ALDH18A1: variants seen among roughly 807,000 people sequenced by gnomAD.
ALDH18A1 encodes aldehyde dehydrogenase 18 family member A1, also known as delta-1-pyrroline-5-carboxylate synthase.
A neutral mutation model predicts 88.8 loss-of-function variants in ALDH18A1; 44 were observed. That is an observed-to-expected ratio of 0.50 (90% CI 0.39 to 0.64). The LOEUF is 0.64. ALDH18A1 is among the 30% of genes least tolerant of loss of function. The probability of loss-of-function intolerance (pLI) is 0.00; values close to 1 mark genes in which losing one functional copy is unlikely to be tolerated. For missense variants in ALDH18A1, 782 were observed against 1,009.5 expected (o/e 0.77, Z 3.05); for synonymous variants, 331 against 372.1 (o/e 0.89, Z 1.27).
intron 12 of ALDH18A1, among the ~76,000 whole-genome samples, chr10:95,620,818 AT>A (rs1416301897): frequency 6.6e-6 from 1 of 151,944 alleles, no homozygotes; most frequent in Non-Finnish European, 1.5e-5. Flanking sequence ...GAGGGATAGC[AT>A]TAGGAGAAAT....
rs1475903654 is a variant in ALDH18A1, at chr10:95,614,090, G to A, written c.1677C>T (p.Gly559=). 1.9e-6 allele frequency: 3 copies of A among 1,614,174 alleles called. No individual in the cohort carries two copies. Among genetic ancestry groups the A allele is most frequent in the Non-Finnish European group, 2.5e-6 (3 of 1,180,032 alleles). Residue 559 remains glycine, a synonymous_variant, in exon 14 of 18, where the codon GGC becomes GGT. Transcript: ENST00000371224. ...DKMIDLIIPR[G]SSQLVRDIQK... Reference sequence around the variant, plus strand: ...GGATGTCTCTGACCAGCTGGGAAGAGCCACGTGGAATGATCAGATCTATCA... The same window carrying A: ...GGATGTCTCTGACCAGCTGGGAAGAACCACGTGGAATGATCAGATCTATCA...
At chr10:95,617,713 C>T (rs1354710769) in intron 12 of ALDH18A1, among the ~76,000 whole-genome samples, 1 of 152,186 alleles carries the variant, frequency 6.6e-6, no homozygotes, top group Non-Finnish European at 1.5e-5. Flanking sequence ...TGAAACCATC[C>T]AGGGCTGAGT....
chr10:95,609,746 T>C (rs1278928812), intron 17 of ALDH18A1, among the ~76,000 whole-genome samples: 3 of 149,960 alleles, frequency 2.0e-5, no homozygotes, highest in Non-Finnish European at 4.4e-5. Flanking sequence ...CTGATAATCC[T>C]ACCTTGCCAG....
At chr10:95,614,861 A>G (rs1312838121) in intron 13 of ALDH18A1, among the ~76,000 whole-genome samples, 1 of 152,220 alleles carries the variant, frequency 6.6e-6, no homozygotes, top group Admixed American at 6.5e-5. Flanking sequence ...CTAAATATTC[A>G]TCAAGAGAAG....
intron 2 of ALDH18A1, among the ~76,000 whole-genome samples, chr10:95,645,919 C>T (rs954798289): frequency 6.6e-6 from 1 of 152,196 alleles, no homozygotes; most frequent in African/African-American, 2.4e-5. Context: ...AGGTACCCTA[C>T]TCTGCTTTCA....
intron 2 of ALDH18A1, among the ~76,000 whole-genome samples, chr10:95,649,904 G>T (rs1458064851): frequency 6.7e-6 from 1 of 150,282 alleles, no homozygotes; most frequent in East Asian, 2.0e-4. Flanking sequence ...AAAAAACAAA[G>T]AAAAAAATTA....
In ALDH18A1 at chr10:95,637,285, A is replaced by G. The variant is rs1417635601; in HGVS notation, c.453+2T>C. 6.8e-6 allele frequency: 11 copies of G among 1,614,220 alleles called. No individual in the cohort carries two copies. Among genetic ancestry groups the G allele is most frequent in the Non-Finnish European group, 9.3e-6 (11 of 1,180,042 alleles). On this transcript the variant is annotated splice_donor_variant, in intron 4 of 17. Transcript: ENST00000371224. LOFTEE classifies it high-confidence loss of function. ...TTCAATGTGTGGGGAAGCAGCACTCACCATTTCTTTCAGCTGGTTCTGCCC... is the reference window on the plus strand; with the variant it reads ...TTCAATGTGTGGGGAAGCAGCACTCGCCATTTCTTTCAGCTGGTTCTGCCC...
At chr10:95,650,758 G>T (rs2097909221) in intron 2 of ALDH18A1, among the ~76,000 whole-genome samples, 1 of 151,946 alleles carries the variant, frequency 6.6e-6, no homozygotes. Flanking sequence ...TTCCTTTATA[G>T]CAATAAAAAT....
At chr10:95,647,219 T>G (rs941689274) in intron 2 of ALDH18A1, among the ~76,000 whole-genome samples, 2 of 152,164 alleles carry the variant, frequency 1.3e-5, no homozygotes, top group Non-Finnish European at 2.9e-5. Context: ...AATACTGAAG[T>G]GAACACTTAC....
chr10:95,634,783 G>A (rs765604021), intron 5 of ALDH18A1, among the ~76,000 whole-genome samples: 1 of 152,146 alleles, frequency 6.6e-6, no homozygotes, highest in African/African-American at 2.4e-5. Context: ...AAGATAAATG[G>A]GTGAATGGAG....
intron 11 of ALDH18A1, among the ~76,000 whole-genome samples, chr10:95,622,289 C>T (rs964932918): frequency 3.3e-5 from 5 of 152,090 alleles, no homozygotes; most frequent in Admixed American, 6.5e-5. Context: ...CCTTGAACTC[C>T]GGGGCTCAAG....
intron 2 of ALDH18A1, among the ~76,000 whole-genome samples, chr10:95,651,139 C>CA (rs747391892): frequency 9.1e-4 from 134 of 147,732 alleles, no homozygotes; most frequent in African/African-American, 2.2e-3. Flanking sequence ...TCTCAAAAAA[C>CA]AAAAAAAAAC....
intron 17 of ALDH18A1, among the ~76,000 whole-genome samples, chr10:95,608,485 G>A (rs1032187992): frequency 1.3e-5 from 2 of 152,218 alleles, no homozygotes; most frequent in Non-Finnish European, 2.9e-5. Context: ...AGTTCAGAAG[G>A]ATTAAAATGT....
At chr10:95,653,262 A>G in intron 2 of ALDH18A1, 28 bp downstream of exon 2, 1 of 1,558,206 alleles carries the variant, frequency 6.4e-7, no homozygotes, top group Non-Finnish European at 8.8e-7. Flanking sequence ...AACGTCCCAC[A>G]TACTCATAAG....
In ALDH18A1 at chr10:95,627,479, C is replaced by T. The variant is rs2097862079; in HGVS notation, c.1041G>A (p.Lys347=). The part of the protein sequence containing the change: ...GHVITDIVEG[K]KVGTFFSEVK... ...CTTCTGAAAAGAAGGTACCAACTTT[C>T]TTCCCCTCCACAATGTCTGTGATGA... is the stretch of plus-strand genomic sequence containing the variant. The change falls in exon 9 of 18, where the codon AAG becomes AAA. Residue 347 remains lysine, a synonymous_variant. Transcript: ENST00000371224. 1.2e-6 allele frequency: 2 copies of T among 1,614,042 alleles called. No homozygotes were observed. The highest frequency in any genetic ancestry group is 8.5e-7 in the Non-Finnish European group (1 of 1,180,002).
chr10:95,623,150 C>G (rs2097855469), intron 11 of ALDH18A1, among the ~76,000 whole-genome samples: 1 of 151,948 alleles, frequency 6.6e-6, no homozygotes, highest in Admixed American at 6.6e-5. Context: ...ATTTTCTTTA[C>G]TTTTCCCCAT....
intron 11 of ALDH18A1, 33 bp from the exon 12 acceptor site, chr10:95,621,284 G>A: frequency 6.4e-7 from 1 of 1,554,272 alleles, no homozygotes; most frequent in Non-Finnish European, 8.8e-7. Flanking sequence ...TGATAAAGTA[G>A]CAGACCTGGC....
chr10:95,654,115 A>T (rs1204937311), intron 1 of ALDH18A1, among the ~76,000 whole-genome samples: 1 of 151,788 alleles, frequency 6.6e-6, no homozygotes, highest in Non-Finnish European at 1.5e-5. Context: ...ACAAAAAAGT[A>T]GGGAACTCCT....
At chr10:95,642,941 C>T (rs369249543) in intron 3 of ALDH18A1, 51 bp downstream of exon 3, 22 of 1,572,836 alleles carry the variant, frequency 1.4e-5, no homozygotes, top group Non-Finnish European at 1.9e-5. Context: ...TCTGAACTAG[C>T]GACTTAAAAA....
Sources: allele counts gnomAD v4.1 joint callset (sites outside exome capture counted in the v4.1 genomes callset), GRCh38; gene constraint gnomAD v4.1.1; transcripts MANE v1.5; gene names NCBI Gene and HGNC (gene_info 2026-07-23, HGNC 2026-07-21).